MYEOV: variants seen among roughly 807,000 people sequenced by gnomAD.
MYEOV encodes the protein myeloma overexpressed, also known as myeloma-overexpressed gene protein.
MYEOV carries 4 observed loss-of-function variants against 4.5 expected under a neutral mutation model. The observed-to-expected ratio is 0.89, with a 90% CI of 0.44 to 2.03. The LOEUF (loss-of-function observed/expected upper bound fraction) is 2.03, where lower values mean the gene tolerates loss of function less well. Ranked by LOEUF, MYEOV falls within the 30% of genes most tolerant of loss-of-function variation. MYEOV has a pLI of 0.03. For missense variants in MYEOV, 408 were observed against 412.8 expected (o/e 0.99, Z 0.10); for synonymous variants, 184 against 170.3 (o/e 1.08, Z -0.63).
In MYEOV at chr11:69,295,600, C is replaced by T. The variant is rs1013563666; in HGVS notation, c.150C>T (p.Pro50=). ...FLTFHLHQSV[P]LGDRDSLLMF... ...GGTTTTCTTGTCTGTAGTCTGTCCC[C>T]CTTGGGGACAGGGACTCGTTGCTCA... The change falls in exon 3 of 3, where the codon CCC becomes CCT. Residue 50 remains proline, a synonymous_variant. Transcript: ENST00000441339. The surrounding 1 kb of genome is among the most constrained non-coding windows in gnomAD (Gnocchi z 4.1). The T allele has an allele frequency of 1.2e-5, 19 of 1,613,446 alleles. No individual in the cohort carries two copies. The highest frequency in any genetic ancestry group is 1.5e-5 in the Non-Finnish European group (18 of 1,179,628).
rs543235120 is a variant in MYEOV at position 69,296,348 on chromosome 11, C to T, written c.898C>T (p.His300Tyr). The T allele has an allele frequency of 6.0e-6, 9 of 1,493,282 alleles. No individual in the cohort carries two copies. The highest frequency in any genetic ancestry group is 8.0e-6 in the Non-Finnish European group (9 of 1,121,114). 92.5% of individuals were successfully genotyped at this position (1,493,282 alleles called of 1,614,324 possible). A position where few individuals can be genotyped will look rare whatever the true frequency, so the allele number is the denominator to read the frequency against. Residue 300 changes from histidine (H) to tyrosine (Y), a missense_variant, in exon 3 of 3, where the codon CAC (histidine) becomes TAC (tyrosine). Coordinates refer to ENST00000441339, the MANE Select transcript of MYEOV (RefSeq NM_001293291.2). ...GTCAGGTGCTTCTCCTCTCCTCCTC[C>T]ACCACCTCCTCCTCCTCCTCCTCAT... ...PVSGASPLLL[H>Y]HLLLLLLIII...
At position 69,295,880 on chromosome 11, in the gene MYEOV, C is replaced by T. The variant is rs1415721392; in HGVS notation, c.430C>T (p.Leu144=). The T allele has an allele frequency of 6.2e-7, 1 of 1,614,158 alleles. No homozygotes were observed. Among genetic ancestry groups the T allele is most frequent in the Admixed American group, 1.7e-5 (1 of 60,018 alleles). The change falls in exon 3 of 3, where the codon CTG becomes TTG. Residue 144 remains leucine (L), a synonymous_variant. Transcript: ENST00000441339. This position sits in a 1 kb window ranked among gnomAD's most constrained non-coding sequence, Gnocchi z 4.1. ...RRVTDAPQGT[L]CGTGNRNSGS... Reference sequence around the variant, plus strand: ...GGTCACAGATGCACCACAAGGCACTCTGTGTGGCACTGGGAACAGGAATTC... The same window carrying T: ...GGTCACAGATGCACCACAAGGCACTTTGTGTGGCACTGGGAACAGGAATTC...
In MYEOV at chr11:69,296,593, C is replaced by A; in HGVS notation, c.*201C>A. On this transcript the variant is annotated 3_prime_UTR_variant, in exon 3 of 3. Coordinates refer to ENST00000441339, the MANE Select transcript of MYEOV (RefSeq NM_001293291.2). ...TTCCTTCTCCTTTCTCCCATTCTTCCCTGCCTCTTCCCTAACTAGACAATT... is the reference window on the plus strand; with the variant it reads ...TTCCTTCTCCTTTCTCCCATTCTTCACTGCCTCTTCCCTAACTAGACAATT... 2.2e-6 allele frequency: 1 copy of A among 458,432 alleles called. No homozygotes were observed. The highest frequency in any genetic ancestry group is 3.8e-6 in the Non-Finnish European group (1 of 261,796). 28.4% of individuals were successfully genotyped at this position (458,432 alleles called of 1,614,324 possible).
At position 69,296,156 on chromosome 11, in the gene MYEOV, T is replaced by A. The variant is rs762307333; in HGVS notation, c.706T>A (p.Cys236Ser). Reference protein sequence around the residue: ...CPDYERGRRACLTLHRHPTPH... With the variant: ...CPDYERGRRASLTLHRHPTPH... ...TGACTATGAAAGGGGAAGAAGAGCA[T>A]GCCTGACCCTCCACCGGCACCCCAC... The change falls in exon 3 of 3, where the codon TGC becomes AGC. Residue 236 changes from cysteine to serine, a missense_variant. Coordinates refer to ENST00000441339, the MANE Select transcript of MYEOV (RefSeq NM_001293291.2). 6.2e-7 allele frequency: 1 copy of A among 1,614,130 alleles called. No individual in the cohort carries two copies. The highest frequency in any genetic ancestry group is 1.7e-5 in the Admixed American group (1 of 60,020).
At position 69,296,087 on chromosome 11, in the gene MYEOV, G is replaced by A. The variant is rs138055340; in HGVS notation, c.637G>A (p.Gly213Ser). 44 of 1,614,032 alleles carry A rather than the reference G, an allele frequency of 2.7e-5. No individual in the cohort carries two copies. The highest frequency in any genetic ancestry group is 1.6e-4 in the African/African-American group (12 of 74,928). Residue 213 changes from glycine (G) to serine (S), a missense_variant, in exon 3 of 3, where the codon GGT becomes AGT. Coordinates refer to ENST00000441339, the MANE Select transcript of MYEOV (RefSeq NM_001293291.2). The part of the protein sequence containing the change: ...LRSPGRGLLA[G>S]AGALCMTLAE... ...CTCACCTGGGCGAGGACTTCTGGCCGGTGCCGGGGCACTCTGCATGACCCT... is the reference window on the plus strand; with the variant it reads ...CTCACCTGGGCGAGGACTTCTGGCCAGTGCCGGGGCACTCTGCATGACCCT...
Position 69,295,586 on chromosome 11 carries a change from C to T in MYEOV, c.142-6C>T, listed in dbSNP as rs775436449. On this transcript the variant is annotated splice_region_variant and splice_polypyrimidine_tract_variant and intron_variant, in intron 2 of 2. Transcript: ENST00000441339. This position sits in a 1 kb window ranked among gnomAD's most constrained non-coding sequence, Gnocchi z 4.1. ...CTGATTTATTCATCGGTTTTCTTGT[C>T]TGTAGTCTGTCCCCCTTGGGGACAG... 13 of 1,612,438 alleles carry T rather than the reference C, an allele frequency of 8.1e-6. No individual in the cohort carries two copies. The African/African-American group carries it at 9.4e-5, about 12-fold the overall frequency.
chr11:69,295,797 A>C lies in MYEOV; in HGVS notation c.347A>C (p.Gln116Pro). 2 of 1,614,160 alleles carry C rather than the reference A, an allele frequency of 1.2e-6. No individual in the cohort carries two copies. Among genetic ancestry groups the C allele is most frequent in the Non-Finnish European group, 8.5e-7 (1 of 1,180,012 alleles). ...RERNKGDKGA[Q>P]TGAGLSQEAE... The stretch of plus-strand genomic sequence containing the variant: ...AGAAACAAGGGAGACAAGGGTGCCC[A>C]GACAGGTGCGGGGCTCAGCCAGGAG... Residue 116 changes from glutamine to proline, a missense_variant, in exon 3 of 3, where the codon CAG (glutamine) becomes CCG (proline). By Grantham distance (76) the Gln-to-Pro change is moderately conservative. Transcript: ENST00000441339. The surrounding 1 kb of genome is among the most constrained non-coding windows in gnomAD (Gnocchi z 4.1).
chr11:69,296,072 C>T lies in MYEOV; in HGVS notation c.622C>T (p.Arg208Ter), dbSNP rs200542451. The T allele has an allele frequency of 3.4e-5, 55 of 1,614,114 alleles. No individual in the cohort carries two copies. Among genetic ancestry groups the T allele is most frequent in the Non-Finnish European group, 4.2e-5 (49 of 1,180,028 alleles). Residue 208 changes from arginine to a stop codon, truncating the protein, a stop_gained, in exon 3 of 3, where the codon CGA (arginine) becomes TGA (stop). Transcript: ENST00000441339. LOFTEE classifies it low-confidence loss of function (END_TRUNC). ...RMDVALRSPG[R>*]GLLAGAGALC... Reference sequence around the variant, plus strand: ...GGATGTGGCTCTGCGCTCACCTGGGCGAGGACTTCTGGCCGGTGCCGGGGC... The same window carrying T: ...GGATGTGGCTCTGCGCTCACCTGGGTGAGGACTTCTGGCCGGTGCCGGGGC...
At chr11:69,294,742 G>A (rs1855129969) in intron 1 of MYEOV, among the ~76,000 whole-genome samples, 166 bp downstream of exon 1, 1 of 152,180 alleles carries the variant, frequency 6.6e-6, no homozygotes, top group African/African-American at 2.4e-5. Context: ...TGAGGGTACA[G>A]ACCAGTGGGA....
chr11:69,294,963 G>T (rs962146463), intron 1 of MYEOV, among the ~76,000 whole-genome samples: 1 of 152,176 alleles, frequency 6.6e-6, no homozygotes. Context: ...CCCTAGAGGC[G>T]GTTGAGGACC....
Position 69,294,337 on chromosome 11 carries a change from C to T in MYEOV, c.-362C>T, listed in dbSNP as rs1057034043. 4 of 152,304 alleles carry T rather than the reference C, an allele frequency of 2.6e-5. No homozygotes were observed. The highest frequency in any genetic ancestry group is 9.7e-5 in the African/African-American group (4 of 41,440). The allele number at this position is 152,304 out of a possible 1,614,324, so 9.4% of individuals were successfully genotyped here. A position where few individuals can be genotyped will look rare whatever the true frequency, so the allele number is the denominator to read the frequency against. ...CCACTGAACCCAGTGCTTTCACCAG[C>T]CATATTAGCTCCCACTCACCCCCCG... On this transcript the variant is annotated 5_prime_UTR_variant, in exon 1 of 3. Transcript: ENST00000441339.
In MYEOV at chr11:69,295,166, C is replaced by T; in HGVS notation, c.-122-67C>T. 1 of 974,154 alleles carries T rather than the reference C, an allele frequency of 1.0e-6. No individual in the cohort carries two copies. The highest frequency in any genetic ancestry group is 3.4e-4 in the Middle Eastern group (1 of 2,974). 60.3% of individuals were successfully genotyped at this position (974,154 alleles called of 1,614,324 possible). ...ACAGAGCGGCGGCCTCTCATCCTCC[C>T]CATGGTCAAGGAGGTCAGTGCCTTC... On this transcript the variant is annotated intron_variant, in intron 1 of 2. Coordinates refer to ENST00000441339, the MANE Select transcript of MYEOV (RefSeq NM_001293291.2). This position sits in a 1 kb window ranked among gnomAD's most constrained non-coding sequence, Gnocchi z 4.1.
At position 69,295,802 on chromosome 11, in the gene MYEOV, G is replaced by A; in HGVS notation, c.352G>A (p.Gly118Ser). The change falls in exon 3 of 3, where the codon GGT becomes AGT. Residue 118 changes from glycine to serine, a missense_variant. Coordinates refer to ENST00000441339, the MANE Select transcript of MYEOV (RefSeq NM_001293291.2). This position sits in a 1 kb window ranked among gnomAD's most constrained non-coding sequence, Gnocchi z 4.1. ...CAAGGGAGACAAGGGTGCCCAGACA[G>A]GTGCGGGGCTCAGCCAGGAGGCAGA... Reference protein sequence around the residue: ...RNKGDKGAQTGAGLSQEAEDV... With the variant: ...RNKGDKGAQTSAGLSQEAEDV... 1 of 1,614,176 alleles carries A rather than the reference G, an allele frequency of 6.2e-7. No individual in the cohort carries two copies. The highest frequency in any genetic ancestry group is 1.6e-4 in the Middle Eastern group (1 of 6,062).
chr11:69,297,027 T>A lies in MYEOV; in HGVS notation c.*635T>A, dbSNP rs1176280648. On this transcript the variant is annotated 3_prime_UTR_variant, in exon 3 of 3. Transcript: ENST00000441339. ...TCTAAGGCGTCAGAATGTAAGGTTCTTATTGGAACCCAGGCTCCAGGGTCC... is the reference window on the plus strand; with the variant it reads ...TCTAAGGCGTCAGAATGTAAGGTTCATATTGGAACCCAGGCTCCAGGGTCC... 2 of 152,236 alleles carry A rather than the reference T, an allele frequency of 1.3e-5. No individual in the cohort carries two copies. The highest frequency in any genetic ancestry group is 6.5e-5 in the Admixed American group (1 of 15,286). 9.4% of individuals were successfully genotyped at this position (152,236 alleles called of 1,614,324 possible). A position where few individuals can be genotyped will look rare whatever the true frequency, so the allele number is the denominator to read the frequency against.
In MYEOV at chr11:69,295,778, A is replaced by G. The variant is rs1305868490; in HGVS notation, c.328A>G (p.Lys110Glu). 2 of 1,613,922 alleles carry G rather than the reference A, an allele frequency of 1.2e-6. No individual in the cohort carries two copies. Among genetic ancestry groups the G allele is most frequent in the Admixed American group, 1.7e-5 (1 of 60,002 alleles). ...TGGAGCTGGTGACCGGGAGAGAAAC[A>G]AGGGAGACAAGGGTGCCCAGACAGG... ...AAGAGDRERN[K>E]GDKGAQTGAG... Residue 110 changes from lysine (K) to glutamate (E), a missense_variant, in exon 3 of 3, where the codon AAG becomes GAG. Lys to Glu is a moderately conservative substitution (Grantham distance 56). Transcript: ENST00000441339. The surrounding 1 kb of genome is among the most constrained non-coding windows in gnomAD (Gnocchi z 4.1).
rs767010471 is a variant in MYEOV, at chr11:69,296,246, G to A, written c.796G>A (p.Val266Ile). 10 of 1,599,978 alleles carry A rather than the reference G, an allele frequency of 6.3e-6. No homozygotes were observed. Among genetic ancestry groups the A allele is most frequent in the Non-Finnish European group, 8.5e-6 (10 of 1,171,360 alleles). Residue 266 changes from valine to isoleucine, a missense_variant, in exon 3 of 3, where the codon GTT becomes ATT. By Grantham distance (29) the Val-to-Ile change is conservative (BLOSUM62 3). Coordinates refer to ENST00000441339, the MANE Select transcript of MYEOV (RefSeq NM_001293291.2). The part of the protein sequence containing the change: ...VAGSWLTVVT[V>I]EALGGWRMGV... Reference sequence around the variant, plus strand: ...TGGGTCCTGGCTGACTGTTGTGACTGTTGAGGCCCTGGGGGGGTGGCGCAT... The same window carrying A: ...TGGGTCCTGGCTGACTGTTGTGACTATTGAGGCCCTGGGGGGGTGGCGCAT...
rs2134822852 is a variant in MYEOV, at chr11:69,296,666, A to G, written c.*274A>G. 1 of 390,112 alleles carries G rather than the reference A, an allele frequency of 2.6e-6. No individual in the cohort carries two copies. Among genetic ancestry groups the G allele is most frequent in the Non-Finnish European group, 4.6e-6 (1 of 217,960 alleles). 24.2% of individuals were successfully genotyped at this position (390,112 alleles called of 1,614,324 possible). A position where few individuals can be genotyped will look rare whatever the true frequency, so the allele number is the denominator to read the frequency against. On this transcript the variant is annotated 3_prime_UTR_variant, in exon 3 of 3. Coordinates refer to ENST00000441339, the MANE Select transcript of MYEOV (RefSeq NM_001293291.2). ...GCAGGCATGAGCCAGGTGCTGGGAAAATCATGATAACCCAGCTCCTTCTGG... is the reference window on the plus strand; with the variant it reads ...GCAGGCATGAGCCAGGTGCTGGGAAGATCATGATAACCCAGCTCCTTCTGG...
rs558238514 is a variant in MYEOV at position 69,294,314 on chromosome 11, A to G, written c.-385A>G. The G allele has an allele frequency of 1.3e-5, 2 of 152,012 alleles. No individual in the cohort carries two copies. Among genetic ancestry groups the G allele is most frequent in the East Asian group, 3.9e-4 (2 of 5,170 alleles). The allele number at this position is 152,012 out of a possible 1,614,324, so 9.4% of individuals were successfully genotyped here. A position where few individuals can be genotyped will look rare whatever the true frequency, so the allele number is the denominator to read the frequency against. On this transcript the variant is annotated 5_prime_UTR_variant, in exon 1 of 3. Transcript: ENST00000441339. ...ACAGAGGGCGGGAGATGCCATCCCC[A>G]CTGAACCCAGTGCTTTCACCAGCCA...
Position 69,296,744 on chromosome 11 carries a change from C to T in MYEOV, c.*352C>T, listed in dbSNP as rs989342703. The T allele has an allele frequency of 2.1e-5, 5 of 242,654 alleles. No homozygotes were observed. Among genetic ancestry groups the T allele is most frequent in the East Asian group, 8.2e-5 (1 of 12,186 alleles). The allele number at this position is 242,654 out of a possible 1,614,324, so 15.0% of individuals were successfully genotyped here. Reference sequence around the variant, plus strand: ...GAGGACACGCAAGTTCAGCTCCAGCCGACTGGGGCATTGGTGGTAGCCCCT... The same window carrying T: ...GAGGACACGCAAGTTCAGCTCCAGCTGACTGGGGCATTGGTGGTAGCCCCT... On this transcript the variant is annotated 3_prime_UTR_variant, in exon 3 of 3. Transcript: ENST00000441339.
Sources: gnomAD v4.1 joint callset for allele counts (sites outside exome capture counted in the v4.1 genomes callset) on GRCh38, gnomAD v4.1.1 for gene constraint, Gnocchi (gnomAD v3.1) non-coding constraint, MANE v1.5 for transcripts, NCBI Gene and HGNC (gene_info 2026-07-23, HGNC 2026-07-21) for gene names.